ATP4A: variants seen among roughly 807,000 people sequenced by gnomAD.
The protein encoded by ATP4A is potassium-transporting ATPase alpha chain 1.
Under a neutral mutation model 112.1 loss-of-function variants are expected in ATP4A, and 73 were observed. The ratio of observed to expected loss-of-function variants is 0.65; its 90% CI spans 0.54 to 0.79. The LOEUF (loss-of-function observed/expected upper bound fraction) is 0.79, where lower values mean the gene tolerates loss of function less well. Ranked by LOEUF, ATP4A falls within the 30% of genes least tolerant of loss-of-function variation. ATP4A has a pLI of 0.00. For synonymous variants in ATP4A, 588 were observed against 588.9 expected (o/e 1.00, Z 0.02); for missense variants, 1,081 against 1,425.9 (o/e 0.76, Z 3.90).
At position 35,550,367 on chromosome 19, in the gene ATP4A, C is replaced by T. The variant is rs972093288; in HGVS notation, c.*248G>A. 13 of 558,394 alleles carry T rather than the reference C, an allele frequency of 2.3e-5. No homozygotes were observed. The highest frequency in any genetic ancestry group is 3.8e-5 in the Non-Finnish European group (12 of 314,214). The allele number at this position is 558,394 out of a possible 1,614,324, so 34.6% of individuals were successfully genotyped here. A position where few individuals can be genotyped will look rare whatever the true frequency, so the allele number is the denominator to read the frequency against. On this transcript the variant is annotated 3_prime_UTR_variant, in exon 22 of 22. Transcript: ENST00000262623. The surrounding 1 kb of genome is among the most constrained non-coding windows in gnomAD (Gnocchi z 4.1). Reference sequence around the variant, plus strand: ...AGAGCCCCACCGCCACCACAGGTGGCGGCTTTCCCGAGGCCAGCCCAGAGG... The same window carrying T: ...AGAGCCCCACCGCCACCACAGGTGGTGGCTTTCCCGAGGCCAGCCCAGAGG...
rs1259593854 is a variant in ATP4A at position 35,560,437 on chromosome 19, C to T, written c.713G>A (p.Arg238His). The change falls in exon 6 of 22, where the codon CGC becomes CAC. Residue 238 changes from arginine (R) to histidine (H), a missense_variant. Physicochemically the swap from Arg to His is conservative, Grantham distance 29. Transcript: ENST00000262623. This position sits in a 1 kb window ranked among gnomAD's most constrained non-coding sequence, Gnocchi z 5.1. ...SLTGESEPQT[R>H]SPECTHESPL... ...GCTCTCGTGCGTGCACTCGGGTGAG[C>T]GGGTCTGTGGCTCAGACTCCCCTGT... 18 of 1,613,666 alleles carry T rather than the reference C, an allele frequency of 1.1e-5. No individual in the cohort carries two copies. The highest frequency in any genetic ancestry group is 8.3e-5 in the Admixed American group (5 of 60,006).
chr19:35,560,588 T>A lies in ATP4A; in HGVS notation c.562A>T (p.Lys188Ter), dbSNP rs1195049939. 2 of 1,608,620 alleles carry A rather than the reference T, an allele frequency of 1.2e-6. No homozygotes were observed. Residue 188 changes from lysine to a stop codon, truncating the protein, a stop_gained, in exon 6 of 22, where the codon AAA becomes TAA. Coordinates refer to ENST00000262623, the MANE Select transcript of ATP4A (RefSeq NM_000704.3). LOFTEE classifies it high-confidence loss of function. The surrounding 1 kb of genome is among the most constrained non-coding windows in gnomAD (Gnocchi z 5.1). ...AGTTGGTCAGCGTTGATCTGGAATT[T>A]GTCTCCATCGCGGATGACAGTGGCT... ...QQATVIRDGDKFQINADQLVV... is the reference protein window; with the variant it reads ...QQATVIRDGD
rs1317303241 is a variant in ATP4A, at chr19:35,553,783, A to G, written c.2528T>C (p.Met843Thr). The change falls in exon 17 of 22, where the codon ATG (methionine) becomes ACG (threonine). Residue 843 changes from methionine (M) to threonine (T), a missense_variant. Met to Thr is a moderately conservative substitution (Grantham distance 81, BLOSUM62 -1). This residue lies in a region of ATP4A where 219 missense variants were observed against 320.9 expected (regional missense o/e 0.68). Transcript: ENST00000262623. ...LAYEKAESDI[M>T]HLRPRNPKRD... is the part of the protein sequence containing the mutation. The stretch of plus-strand genomic sequence containing the variant: ...CTTTGGGTTGCGTGGACGCAGGTGC[A>G]TGATGTCACTCTCGGCCTTTTCATA... 1.7e-5 allele frequency: 27 copies of G among 1,607,888 alleles called. No homozygotes were observed. Among genetic ancestry groups the G allele is most frequent in the East Asian group, 2.2e-5 (1 of 44,720 alleles).
chr19:35,560,350 G>A lies in ATP4A; in HGVS notation c.787+13C>T. ...CAGCAGTTACTGGGCAGGCAGGCGG[G>A]GGCTTCACAGACCCTCAAGGCACAT... is the stretch of plus-strand genomic sequence containing the variant. On this transcript the variant is annotated intron_variant, in intron 6 of 21. Transcript: ENST00000262623. This position sits in a 1 kb window ranked among gnomAD's most constrained non-coding sequence, Gnocchi z 5.1. 8 of 1,612,104 alleles carry A rather than the reference G, an allele frequency of 5.0e-6. No homozygotes were observed. The highest frequency in any genetic ancestry group is 6.8e-6 in the Non-Finnish European group (8 of 1,178,886).
chr19:35,557,821 C>T lies in ATP4A; in HGVS notation c.1527G>A (p.Pro509=), dbSNP rs746371572. 7.0e-7 allele frequency: 1 copy of T among 1,426,342 alleles called. No homozygotes were observed. The highest frequency in any genetic ancestry group is 9.4e-7 in the Non-Finnish European group (1 of 1,067,968). The allele number at this position is 1,426,342 out of a possible 1,614,324, so 88.4% of individuals were successfully genotyped here. ...TCACCAGCAAGTGTCGCGGGTCCCGCGGGTCCTCCAGCGTATGGATGGACA... is the reference window on the plus strand; with the variant it reads ...TCACCAGCAAGTGTCGCGGGTCCCGTGGGTCCTCCAGCGTATGGATGGACA... ...FQLSIHTLED[P]RDPRHLLVMK... is the part of the protein sequence containing the mutation. The change falls in exon 11 of 22, where the codon CCG becomes CCA. Residue 509 remains proline (P), a synonymous_variant. Transcript: ENST00000262623. This position sits in a 1 kb window ranked among gnomAD's most constrained non-coding sequence, Gnocchi z 4.4.
At chr19:35,552,709 T>G (rs2071608392) in intron 18 of ATP4A, among the ~76,000 whole-genome samples, 1 of 152,156 alleles carries the variant, frequency 6.6e-6, no homozygotes, top group Admixed American at 6.5e-5. Context: ...GCTCCAAACC[T>G]TCATTAAAAT....
chr19:35,550,348 CCACCGCCACCACA>C lies in ATP4A; in HGVS notation c.*254_*266del. On this transcript the variant is annotated 3_prime_UTR_variant, in exon 22 of 22. Coordinates refer to ENST00000262623, the MANE Select transcript of ATP4A (RefSeq NM_000704.3). This position sits in a 1 kb window ranked among gnomAD's most constrained non-coding sequence, Gnocchi z 4.1. Reference sequence around the variant, plus strand: ...GTCAGCTGTACTCCCTGTCAGAGCCCCACCGCCACCACAGGTGGCGGCTTTCCCGAGGCCAGCC... The same window carrying C: ...GTCAGCTGTACTCCCTGTCAGAGCCCGGTGGCGGCTTTCCCGAGGCCAGCC... The C allele has an allele frequency of 1.9e-6, 1 of 539,308 alleles. No individual in the cohort carries two copies. The highest frequency in any genetic ancestry group is 3.2e-5 in the East Asian group (1 of 30,980). 33.4% of individuals were successfully genotyped at this position (539,308 alleles called of 1,614,324 possible).
At chr19:35,561,333 C>T (rs1027564604) in intron 4 of ATP4A, among the ~76,000 whole-genome samples, 14 of 152,000 alleles carry the variant, frequency 9.2e-5, no homozygotes, top group Non-Finnish European at 1.8e-4. Context: ...CTGTATTCCC[C>T]GTGTCTCCAG....
Position 35,555,499 on chromosome 19 carries a change from C to A in ATP4A, c.2098G>T (p.Val700Leu), listed in dbSNP as rs1372933155. 3 of 1,609,186 alleles carry A rather than the reference C, an allele frequency of 1.9e-6. No homozygotes were observed. In the African/African-American group the frequency reaches 4.0e-5, roughly 21 times the overall value. Residue 700 changes from valine (V) to leucine (L), a missense_variant, in exon 14 of 22, where the codon GTG (valine) becomes TTG (leucine). This residue lies in a region of ATP4A where 850 missense variants were observed against 1,068.2 expected (regional missense o/e 0.80). Coordinates refer to ENST00000262623, the MANE Select transcript of ATP4A (RefSeq NM_000704.3). The surrounding 1 kb of genome is among the most constrained non-coding windows in gnomAD (Gnocchi z 6.6). ...VEALRTHPEMVFARTSPQQKL... is the reference protein window; with the variant it reads ...VEALRTHPEMLFARTSPQQKL... Reference sequence around the variant, plus strand: ...TGCTGGGGGCTGGTGCGCGCAAACACCATCTCGGGGTGGGTGCGCAGGGCC... The same window carrying A: ...TGCTGGGGGCTGGTGCGCGCAAACAACATCTCGGGGTGGGTGCGCAGGGCC...
Position 35,555,836 on chromosome 19 carries a change from C to G in ATP4A, c.1870-24G>C. ...ACCTGTAGGGGGAACCAGTGGATCA[C>G]TGACCCCTTCAGATCAGCCCAATCT... On this transcript the variant is annotated intron_variant, in intron 12 of 21. Coordinates refer to ENST00000262623, the MANE Select transcript of ATP4A (RefSeq NM_000704.3). The surrounding 1 kb of genome is among the most constrained non-coding windows in gnomAD (Gnocchi z 6.6). The G allele has an allele frequency of 6.3e-7, 1 of 1,588,950 alleles. No individual in the cohort carries two copies. Among genetic ancestry groups the G allele is most frequent in the Non-Finnish European group, 8.6e-7 (1 of 1,161,576 alleles).
rs1301242497 is a variant in ATP4A at position 35,557,818 on chromosome 19, C to G, written c.1530G>C (p.Arg510=). The G allele has an allele frequency of 6.4e-7, 1 of 1,560,512 alleles. No homozygotes were observed. Among genetic ancestry groups the G allele is most frequent in the Non-Finnish European group, 8.7e-7 (1 of 1,147,922 alleles). The change falls in exon 11 of 22, where the codon CGG becomes CGC. Residue 510 remains arginine, a synonymous_variant. Coordinates refer to ENST00000262623, the MANE Select transcript of ATP4A (RefSeq NM_000704.3). The surrounding 1 kb of genome is among the most constrained non-coding windows in gnomAD (Gnocchi z 4.4). ...QLSIHTLEDP[R]DPRHLLVMKG... ...TCATCACCAGCAAGTGTCGCGGGTC[C>G]CGCGGGTCCTCCAGCGTATGGATGG...
chr19:35,559,266 G>A lies in ATP4A; in HGVS notation c.1057-75C>T. The A allele has an allele frequency of 6.6e-7, 1 of 1,524,850 alleles. No individual in the cohort carries two copies. The allele number at this position is 1,524,850 out of a possible 1,614,324, so 94.5% of individuals were successfully genotyped here. On this transcript the variant is annotated intron_variant, in intron 7 of 21. Coordinates refer to ENST00000262623, the MANE Select transcript of ATP4A (RefSeq NM_000704.3). This position sits in a 1 kb window ranked among gnomAD's most constrained non-coding sequence, Gnocchi z 4.1. Reference sequence around the variant, plus strand: ...TCCTCTTCCCCGCGTCAAAGAACGGGGAAGGCTTTACCCCAGCCGCGGGGC... The same window carrying A: ...TCCTCTTCCCCGCGTCAAAGAACGGAGAAGGCTTTACCCCAGCCGCGGGGC...
Position 35,551,198 on chromosome 19 carries a change from C to A in ATP4A, c.2886-87G>T. 7.5e-7 allele frequency: 1 copy of A among 1,341,396 alleles called. No individual in the cohort carries two copies. 83.1% of individuals were successfully genotyped at this position (1,341,396 alleles called of 1,614,324 possible). A position where few individuals can be genotyped will look rare whatever the true frequency, so the allele number is the denominator to read the frequency against. On this transcript the variant is annotated intron_variant, in intron 19 of 21. Coordinates refer to ENST00000262623, the MANE Select transcript of ATP4A (RefSeq NM_000704.3). This position sits in a 1 kb window ranked among gnomAD's most constrained non-coding sequence, Gnocchi z 5.2. Reference sequence around the variant, plus strand: ...CTGTGGGTCAAAGTAGGTCAGATGTCAGCAGCAGCAGGGAGGTGTTCTACA... The same window carrying A: ...CTGTGGGTCAAAGTAGGTCAGATGTAAGCAGCAGCAGGGAGGTGTTCTACA...
chr19:35,560,068 C>G lies in ATP4A; in HGVS notation c.793G>C (p.Val265Leu), dbSNP rs745735354. The G allele has an allele frequency of 9.3e-6, 15 of 1,613,326 alleles. No individual in the cohort carries two copies. Among genetic ancestry groups the G allele is most frequent in the Non-Finnish European group, 1.2e-5 (14 of 1,179,606 alleles). ...CCCGTGTTCACCACCAGGCCCTGCA[C>G]GGTGCCTGCAGGGGGGCCAAGGCGC... ...FFSTMCLEGT[V>L]QGLVVNTGDR... is the part of the protein sequence containing the mutation. Residue 265 changes from valine (V) to leucine (L), a missense_variant, in exon 7 of 22, where the codon GTG becomes CTG. By Grantham distance (32) the Val-to-Leu change is conservative. Transcript: ENST00000262623. The surrounding 1 kb of genome is among the most constrained non-coding windows in gnomAD (Gnocchi z 5.1).
chr19:35,560,117 T>C lies in ATP4A; in HGVS notation c.788-44A>G. 1 of 1,607,044 alleles carries C rather than the reference T, an allele frequency of 6.2e-7. No individual in the cohort carries two copies. Among genetic ancestry groups the C allele is most frequent in the Non-Finnish European group, 8.5e-7 (1 of 1,176,830 alleles). On this transcript the variant is annotated intron_variant, in intron 6 of 21. Transcript: ENST00000262623. The surrounding 1 kb of genome is among the most constrained non-coding windows in gnomAD (Gnocchi z 5.1). ...GCGACTCAGGGATAGGGGGCGGCAG[T>C]GGGGTGTGCACTGCCGTGTGAGCTG... is the stretch of plus-strand genomic sequence containing the variant.
chr19:35,557,751 G>C lies in ATP4A; in HGVS notation c.1597C>G (p.Leu533Val). The C allele has an allele frequency of 4.4e-6, 7 of 1,602,352 alleles. No homozygotes were observed. The highest frequency in any genetic ancestry group is 6.0e-6 in the Non-Finnish European group (7 of 1,173,020). ...AGCGGCAGCTCCTGGCCCTTGATAAGGATGGAGCTGCAGCGCTCCAGCACG... is the reference window on the plus strand; with the variant it reads ...AGCGGCAGCTCCTGGCCCTTGATAACGATGGAGCTGCAGCGCTCCAGCACG... ...ERVLERCSSI[L>V]IKGQELPLDE... Residue 533 changes from leucine (L) to valine (V), a missense_variant, in exon 11 of 22, where the codon CTT (leucine) becomes GTT (valine). Coordinates refer to ENST00000262623, the MANE Select transcript of ATP4A (RefSeq NM_000704.3). The surrounding 1 kb of genome is among the most constrained non-coding windows in gnomAD (Gnocchi z 4.4).
Position 35,560,663 on chromosome 19 carries a change from G to GGGGGGGGGGGGGGGGGC in ATP4A, c.535-49_535-48insGCCCCCCCCCCCCCCCC. 1 of 883,962 alleles carries GGGGGGGGGGGGGGGGGC rather than the reference G, an allele frequency of 1.1e-6. No homozygotes were observed. The highest frequency in any genetic ancestry group is 1.8e-6 in the Non-Finnish European group (1 of 561,724). 54.8% of individuals were successfully genotyped at this position (883,962 alleles called of 1,614,324 possible). On this transcript the variant is annotated intron_variant, in intron 5 of 21. Coordinates refer to ENST00000262623, the MANE Select transcript of ATP4A (RefSeq NM_000704.3). The surrounding 1 kb of genome is among the most constrained non-coding windows in gnomAD (Gnocchi z 5.1). ...TTGAGGTGGACGGGGGTGGGGGTGG[G>GGGGGGGGGGGGGGGGGC]AGCTGCTGCATGTGGGGAGGTAAAG...
In ATP4A at chr19:35,557,190, A is replaced by T. The variant is rs966781697; in HGVS notation, c.1694-102T>A. The T allele has an allele frequency of 9.6e-6, 13 of 1,347,526 alleles. No homozygotes were observed. The South Asian group carries it at 1.5e-4, about 15-fold the overall frequency. 83.5% of individuals were successfully genotyped at this position (1,347,526 alleles called of 1,614,324 possible). A position where few individuals can be genotyped will look rare whatever the true frequency, so the allele number is the denominator to read the frequency against. ...ACCAGGCCCCTTGCACCAAACACCT[A>T]TGGATGCCTGACCTTGTGCTGACCC... On this transcript the variant is annotated intron_variant, in intron 11 of 21. Coordinates refer to ENST00000262623, the MANE Select transcript of ATP4A (RefSeq NM_000704.3). The surrounding 1 kb of genome is among the most constrained non-coding windows in gnomAD (Gnocchi z 4.4).
In ATP4A at chr19:35,555,461, G is replaced by A. The variant is rs748500240; in HGVS notation, c.2136C>T (p.Ile712=). Residue 712 remains isoleucine, a synonymous_variant, in exon 14 of 22, where the codon ATC becomes ATT. Coordinates refer to ENST00000262623, the MANE Select transcript of ATP4A (RefSeq NM_000704.3). This position sits in a 1 kb window ranked among gnomAD's most constrained non-coding sequence, Gnocchi z 6.6. ...TCACCAGCCGCTGGCAGCTCTCCAC[G>A]ATCACCAGCTTCTGCTGGGGGCTGG... The part of the protein sequence containing the change: ...ARTSPQQKLV[I]VESCQRLGAI... 2.8e-5 allele frequency: 45 copies of A among 1,612,018 alleles called. No individual in the cohort carries two copies. The highest frequency in any genetic ancestry group is 1.7e-4 in the South Asian group (15 of 90,814).
Sources: gnomAD v4.1 joint callset for allele counts (sites outside exome capture counted in the v4.1 genomes callset) on GRCh38, gnomAD v4.1.1 for gene constraint, gnomAD v4.1.1 regional missense constraint, Gnocchi (gnomAD v3.1) non-coding constraint, MANE v1.5 for transcripts, NCBI Gene and HGNC (gene_info 2026-07-23, HGNC 2026-07-21) for gene names.